The following GSTO2 variants were observed in gnomAD, a reference collection of about 807,000 sequenced individuals.
GSTO2 encodes the protein glutathione S-transferase omega 2.
GSTO2 carries 23 observed loss-of-function variants against 28.4 expected under a neutral mutation model. The observed-to-expected ratio is 0.81, with a 90% CI of 0.58 to 1.15. The LOEUF is 1.15. Ranked by LOEUF, GSTO2 falls within the 50% of genes most tolerant of loss-of-function variation. GSTO2 has a pLI of 0.00. For synonymous variants in GSTO2, 109 were observed against 111.0 expected (o/e 0.98, Z 0.11); for missense variants, 298 against 297.8 (o/e 1.00, Z 0.00).
chr10:104,272,572 A>G (rs2135083571), intron 1 of GSTO2, among the ~76,000 whole-genome samples: 1 of 135,520 alleles, frequency 7.4e-6, no homozygotes, highest in South Asian at 2.4e-4. Flanking sequence ...GAATCAAAAT[A>G]GAACAGTTAT....
Position 104,296,823 on chromosome 10 carries a change from A to G in GSTO2, c.469-755A>G, listed in dbSNP as rs894806396. On this transcript the variant is annotated intron_variant, in intron 5 of 6. Coordinates refer to ENST00000338595, the MANE Select transcript of GSTO2 (RefSeq NM_183239.2). ...TTTTTACTTTTTGCTCTTCTTGGCC[A>G]GGCTGGAGTGCAATGGCACAATCTT... 10 of 149,242 alleles carry G rather than the reference A, an allele frequency of 6.7e-5. No homozygotes were observed. The Admixed American group carries it at 6.8e-4, about 10-fold the overall frequency. 9.2% of individuals were successfully genotyped at this position (149,242 alleles called of 1,614,324 possible).
chr10:104,288,651 C>T (rs2012589823), intron 5 of GSTO2, among the ~76,000 whole-genome samples: 1 of 152,150 alleles, frequency 6.6e-6, no homozygotes, highest in Non-Finnish European at 1.5e-5. Flanking sequence ...GGAAGGTTTT[C>T]CCGGAAGTAT....
At chr10:104,277,856 C>T (rs754725754) in intron 3 of GSTO2, 38 bp from the exon 4 acceptor site, 1 of 1,423,288 alleles carries the variant, frequency 7.0e-7, no homozygotes, top group Admixed American at 1.7e-5. Flanking sequence ...AGATGCCTCT[C>T]ATTTTTGTTC....
At chr10:104,292,524 G>A (rs527921660) in intron 5 of GSTO2, among the ~76,000 whole-genome samples, 67 of 151,272 alleles carry the variant, frequency 4.4e-4, no homozygotes, top group Non-Finnish European at 7.8e-4. Context: ...GTGCAGTGGC[G>A]TGATCACTGC....
At chr10:104,295,357 G>A (rs2012973463) in intron 5 of GSTO2, 2 of 152,308 alleles carry the variant, frequency 1.3e-5, no homozygotes, top group South Asian at 4.1e-4. Flanking sequence ...TGATCAGGGG[G>A]ACTTCTCTAT....
intron 5 of GSTO2, among the ~76,000 whole-genome samples, chr10:104,282,225 CAAAAAAAA>C (rs71022727): frequency 4.5e-5 from 4 of 88,956 alleles, no homozygotes; most frequent in South Asian, 4.4e-4. Flanking sequence ...GACTCTGTTT[CAAAAAAAA>C]AAAAAAAAAA....
chr10:104,275,389 G>A (rs941874457), intron 3 of GSTO2, 55 bp downstream of exon 3: 5 of 1,549,086 alleles, frequency 3.2e-6, no homozygotes, highest in African/African-American at 1.4e-5. Context: ...ACAGGAGCCC[G>A]GGAATGTTTA....
At chr10:104,287,344 C>T (rs1056622221) in intron 5 of GSTO2, among the ~76,000 whole-genome samples, 3 of 152,208 alleles carry the variant, frequency 2.0e-5, no homozygotes, top group African/African-American at 7.2e-5. Flanking sequence ...GTGTGAGCCA[C>T]CACACCTGGC....
intron 3 of GSTO2, among the ~76,000 whole-genome samples, 180 bp from the exon 4 acceptor site, chr10:104,277,714 C>A (rs568550940): frequency 6.6e-6 from 1 of 152,116 alleles, no homozygotes; most frequent in Non-Finnish European, 1.5e-5. Flanking sequence ...GGAAAACATC[C>A]GACACATCTT....
At position 104,300,740 on chromosome 10, in the gene GSTO2, G is replaced by A. The variant is rs1361077589; in HGVS notation, c.*1456G>A. Reference sequence around the variant, plus strand: ...TGCTGGATCCTTTCCCATCCTCCTAGCTGTGCTGAGACACCAGGCAGCAAC... The same window carrying A: ...TGCTGGATCCTTTCCCATCCTCCTAACTGTGCTGAGACACCAGGCAGCAAC... On this transcript the variant is annotated 3_prime_UTR_variant, in exon 7 of 7. Transcript: ENST00000338595. 6.6e-6 allele frequency: 1 copy of A among 152,274 alleles called. No homozygotes were observed. The highest frequency in any genetic ancestry group is 1.9e-4 in the East Asian group (1 of 5,192). The allele number at this position is 152,274 out of a possible 1,614,324, so 9.4% of individuals were successfully genotyped here.
intron 5 of GSTO2, among the ~76,000 whole-genome samples, chr10:104,282,140 C>T (rs1259177142): frequency 6.7e-6 from 1 of 150,224 alleles, no homozygotes; most frequent in Non-Finnish European, 1.5e-5. Flanking sequence ...TTCAGTCCAT[C>T]ACTTGAACCC....
intron 5 of GSTO2, chr10:104,286,131 C>T (rs2012407127): frequency 5.8e-6 from 1 of 171,792 alleles, no homozygotes; most frequent in Non-Finnish European, 1.3e-5. Flanking sequence ...TCACCCTTTT[C>T]CAGTGTACAA....
At chr10:104,294,108 C>G (rs1342777881) in intron 5 of GSTO2, among the ~76,000 whole-genome samples, 1 of 152,184 alleles carries the variant, frequency 6.6e-6, no homozygotes, top group Non-Finnish European at 1.5e-5. Flanking sequence ...GGACCCAGGA[C>G]GTGATATCTT....
At chr10:104,289,330 A>G (rs1324779320) in intron 5 of GSTO2, among the ~76,000 whole-genome samples, 1 of 152,196 alleles carries the variant, frequency 6.6e-6, no homozygotes, top group African/African-American at 2.4e-5. Context: ...TTCTGGGCTG[A>G]AGCGATCCTT....
intron 5 of GSTO2, among the ~76,000 whole-genome samples, chr10:104,288,014 A>G (rs960658270): frequency 3.3e-5 from 5 of 151,160 alleles, no homozygotes; most frequent in African/African-American, 1.2e-4. Context: ...CAGCCTCCCA[A>G]GTAGCTGGGA....
intron 1 of GSTO2, among the ~76,000 whole-genome samples, chr10:104,269,826 T>C (rs1034111555): frequency 6.6e-6 from 1 of 152,244 alleles, no homozygotes; most frequent in Non-Finnish European, 1.5e-5. Context: ...ACTGGTACTA[T>C]TAGCTACGAA....
In GSTO2 at chr10:104,304,466, T is replaced by C. The variant is rs2013344868; in HGVS notation, c.*5182T>C. On this transcript the variant is annotated 3_prime_UTR_variant, in exon 7 of 7. Coordinates refer to ENST00000338595, the MANE Select transcript of GSTO2 (RefSeq NM_183239.2). ...ACAAACAGGGCTTCAAGGTTAGCAC[T>C]GGGATCAAATTCCGACTTTGCAACT... 6.6e-6 allele frequency: 1 copy of C among 152,228 alleles called. No homozygotes were observed. The highest frequency in any genetic ancestry group is 1.5e-5 in the Non-Finnish European group (1 of 68,040). The allele number at this position is 152,228 out of a possible 1,614,324, so 9.4% of individuals were successfully genotyped here. A position where few individuals can be genotyped will look rare whatever the true frequency, so the allele number is the denominator to read the frequency against.
intron 1 of GSTO2, among the ~76,000 whole-genome samples, chr10:104,272,869 C>T (rs565830816): frequency 3.3e-5 from 5 of 152,158 alleles, no homozygotes; most frequent in South Asian, 4.1e-4. Context: ...GCCTCGGCCT[C>T]CCAAAGTGCT....
At chr10:104,278,731 T>C (rs1296875567) in intron 4 of GSTO2, among the ~76,000 whole-genome samples, 1 of 152,184 alleles carries the variant, frequency 6.6e-6, no homozygotes, top group Non-Finnish European at 1.5e-5. Context: ...TCTGCCTGCC[T>C]CGGCCTCCCA....
Sources: gnomAD v4.1 joint callset for allele counts (sites outside exome capture counted in the v4.1 genomes callset) on GRCh38, gnomAD v4.1.1 for gene constraint, MANE v1.5 for transcripts, NCBI Gene and HGNC (gene_info 2026-07-23, HGNC 2026-07-21) for gene names.